The following ANTXR1 variants were observed in gnomAD, a reference collection of about 807,000 sequenced individuals.
The protein encoded by ANTXR1 is ANTXR cell adhesion molecule 1.
A neutral mutation model predicts 78.1 loss-of-function variants in ANTXR1; 19 were observed. That is an observed-to-expected ratio of 0.24 (90% CI 0.17 to 0.36). The LOEUF is 0.36. Ranked by LOEUF, ANTXR1 falls within the 10% of genes least tolerant of loss-of-function variation. The pLI is 1.00. For missense variants in ANTXR1, 518 were observed against 718.6 expected, an observed-to-expected ratio of 0.72 and a Z score of 3.19; for synonymous variants, 273 against 260.5, an observed-to-expected ratio of 1.05 and a Z score of -0.46.
intron 1 of ANTXR1, among the ~76,000 whole-genome samples, chr2:69,018,240 C>A (rs932252318): frequency 2.6e-5 from 4 of 152,132 alleles, no homozygotes; most frequent in African/African-American, 9.7e-5. Context: ...CCCCGTAAGA[C>A]CTCCGACTCC....
chr2:69,221,639 C>T (rs1012714293), intron 17 of ANTXR1, among the ~76,000 whole-genome samples: 2 of 144,714 alleles, frequency 1.4e-5, no homozygotes, highest in Non-Finnish European at 3.0e-5. Flanking sequence ...GAGAGACTCT[C>T]AGTGAGTCAA....
rs1040672741 is a variant in ANTXR1 at position 69,145,803 on chromosome 2, C to T, written c.952-6366C>T. 5 of 990,522 alleles carry T rather than the reference C, an allele frequency of 5.0e-6. No individual in the cohort carries two copies. The African/African-American group carries it at 8.7e-5, about 17-fold the overall frequency. The allele number at this position is 990,522 out of a possible 1,614,324, so 61.4% of individuals were successfully genotyped here. On this transcript the variant is annotated intron_variant, in intron 12 of 17. Coordinates refer to ENST00000303714, the MANE Select transcript of ANTXR1 (RefSeq NM_032208.3). ...TGTTTGATACCGTATCATCCAGAGG[C>T]CTGGTTCTCTCCCATTATAGGGCAA...
In ANTXR1 at chr2:69,245,799, A is replaced by C; in HGVS notation, c.*314A>C. ...ATGTCTCATGGAGACCAGTAAGAAA[A>C]TCATTTATCTGAAGGTGAAATGCAG... On this transcript the variant is annotated 3_prime_UTR_variant, in exon 18 of 18. Transcript: ENST00000303714. 6.8e-6 allele frequency: 2 copies of C among 292,680 alleles called. No homozygotes were observed. Among genetic ancestry groups the C allele is most frequent in the Non-Finnish European group, 6.4e-6 (1 of 156,764 alleles). The allele number at this position is 292,680 out of a possible 1,614,324, so 18.1% of individuals were successfully genotyped here.
chr2:69,071,781 A>G lies in ANTXR1; in HGVS notation c.406A>G (p.Arg136Gly). The change falls in exon 5 of 18, where the codon AGA becomes GGA. Residue 136 changes from arginine to glycine, a missense_variant. Arg to Gly is a moderately radical substitution (Grantham distance 125). Coordinates refer to ENST00000303714, the MANE Select transcript of ANTXR1 (RefSeq NM_032208.3). ...CAGTGAGCAGATTTATTATGAAAAC[A>G]GACAAGGTAAGACTATAGTATGAAC... ...RASEQIYYEN[R>G]QGYRTASVII... 6.2e-7 allele frequency: 1 copy of G among 1,613,740 alleles called. No homozygotes were observed.
chr2:69,218,756 C>T (rs1675241003), intron 17 of ANTXR1, among the ~76,000 whole-genome samples: 1 of 152,076 alleles, frequency 6.6e-6, no homozygotes, highest in Admixed American at 6.5e-5. Flanking sequence ...TGAAACCCAG[C>T]CCAGAGTATG....
intron 1 of ANTXR1, among the ~76,000 whole-genome samples, chr2:69,019,182 G>A (rs1270354622): frequency 1.3e-5 from 2 of 152,186 alleles, no homozygotes; most frequent in African/African-American, 4.8e-5. Flanking sequence ...TGCAAAATTG[G>A]CTCTGAATAA....
intron 10 of ANTXR1, among the ~76,000 whole-genome samples, chr2:69,111,649 AG>A (rs1445770791): frequency 1.3e-5 from 2 of 152,274 alleles, no homozygotes; most frequent in Non-Finnish European, 2.9e-5. Flanking sequence ...ACACTCTCAA[AG>A]GATAAAGCTT....
At chr2:69,163,019 A>G (rs1240536850) in intron 13 of ANTXR1, among the ~76,000 whole-genome samples, 2 of 152,100 alleles carry the variant, frequency 1.3e-5, no homozygotes, top group African/African-American at 2.4e-5. Flanking sequence ...AATAAACTCA[A>G]TAAAAATGCC....
At chr2:69,059,550 C>A (rs1670169806) in intron 3 of ANTXR1, among the ~76,000 whole-genome samples, 1 of 151,802 alleles carries the variant, frequency 6.6e-6, no homozygotes, top group African/African-American at 2.4e-5. Context: ...ACGATCTTGG[C>A]TCACTGCAAC....
rs184728928 is a variant in ANTXR1 at position 69,088,646 on chromosome 2, A to C, written c.643-2213A>C. ...AGCAAGTTCAGGGATTGGCAAATGGACAATCTTCACAATTCAGGCAGGGCT... is the reference window on the plus strand; with the variant it reads ...AGCAAGTTCAGGGATTGGCAAATGGCCAATCTTCACAATTCAGGCAGGGCT... On this transcript the variant is annotated intron_variant, in intron 8 of 17. Transcript: ENST00000303714. Among the ~76,000 whole-genome samples, 28 of 152,286 alleles carry C rather than the reference A, an allele frequency of 1.8e-4. No homozygotes were observed. The East Asian group carries it at 5.0e-3, about 27-fold the overall frequency.
chr2:69,242,734 C>G (rs1675923680), intron 17 of ANTXR1, among the ~76,000 whole-genome samples: 1 of 152,216 alleles, frequency 6.6e-6, no homozygotes, highest in Admixed American at 6.5e-5. Context: ...CACAGTAAAT[C>G]CCAGCTCTAA....
intron 3 of ANTXR1, among the ~76,000 whole-genome samples, chr2:69,068,891 T>C (rs996705981): frequency 2.2e-4 from 33 of 152,234 alleles, no homozygotes; most frequent in African/African-American, 7.9e-4. Context: ...TCAAGATATG[T>C]TTGAAGTAGA....
At chr2:69,038,762 A>G (rs1486199079) in intron 1 of ANTXR1, among the ~76,000 whole-genome samples, 1 of 152,210 alleles carries the variant, frequency 6.6e-6, no homozygotes, top group African/African-American at 2.4e-5. Context: ...TCCTTATGAC[A>G]CAGAGTATCT....
chr2:69,156,766 T>C (rs903434871), intron 13 of ANTXR1, among the ~76,000 whole-genome samples: 9 of 152,196 alleles, frequency 5.9e-5, no homozygotes, highest in African/African-American at 2.2e-4. Flanking sequence ...GGGATGATGC[T>C]AAGCCATTCA....
intron 3 of ANTXR1, 62 bp downstream of exon 3, chr2:69,044,875 T>C: frequency 6.5e-7 from 1 of 1,527,480 alleles, no homozygotes; most frequent in Non-Finnish European, 9.1e-7. Flanking sequence ...GCCCTGAGAT[T>C]TGTGCTCTGG....
intron 9 of ANTXR1, among the ~76,000 whole-genome samples, chr2:69,096,282 A>AAGGAAGGAAGGGAGGAAGGGAGGAAGGG (rs1553362854): frequency 1.4e-4 from 5 of 34,606 alleles, no homozygotes; most frequent in Admixed American, 4.1e-4. Context: ...GGAAGGAAGG[A>AAGGAAGGAAGGGAGGAAGGGAGGAAGGG]AGGAAGGGAG....
At chr2:69,238,267 A>C (rs1166469647) in intron 17 of ANTXR1, among the ~76,000 whole-genome samples, 1 of 152,172 alleles carries the variant, frequency 6.6e-6, no homozygotes, top group Non-Finnish European at 1.5e-5. Flanking sequence ...CAGATCACAA[A>C]TGTGGTTGCT....
chr2:69,151,232 C>T (rs1180023744), intron 12 of ANTXR1, among the ~76,000 whole-genome samples: 2 of 132,234 alleles, frequency 1.5e-5, no homozygotes, highest in African/African-American at 5.8e-5. Flanking sequence ...CGCTCTGTCG[C>T]CCAGGCTGGA....
chr2:69,069,781 C>A (rs11895202), intron 3 of ANTXR1, among the ~76,000 whole-genome samples: 2 of 152,102 alleles, frequency 1.3e-5, no homozygotes, highest in South Asian at 4.1e-4. Flanking sequence ...TTTTTCCTAT[C>A]CAAAAGAGTT....
Sources: allele counts gnomAD v4.1 joint callset (sites outside exome capture counted in the v4.1 genomes callset), GRCh38; gene constraint gnomAD v4.1.1; transcripts MANE v1.5; gene names NCBI Gene and HGNC (gene_info 2026-07-23, HGNC 2026-07-21).